The following NIPAL2 variants were observed in gnomAD, a reference collection of about 807,000 sequenced individuals.
NIPAL2 encodes the protein NIPA-like protein 2.
In NIPAL2, 43 loss-of-function variants were observed where a neutral mutation model predicts 48.9. The observed-to-expected ratio is 0.88, with a 90% confidence interval of 0.69 to 1.13. The LOEUF (loss-of-function observed/expected upper bound fraction) is 1.13. Among genes scored for constraint, NIPAL2 ranks in the 50% most tolerant of loss-of-function variants. The probability of loss-of-function intolerance (pLI) is 0.00; values close to 1 mark genes in which losing one functional copy is unlikely to be tolerated. For synonymous variants in NIPAL2, 167 were observed against 174.6 expected, an observed-to-expected ratio of 0.96 and a Z score of 0.34; for missense variants, 446 against 461.4, an observed-to-expected ratio of 0.97 and a Z score of 0.31.
At chr8:98,273,075 G>C (rs568728993) in intron 1 of NIPAL2, among the ~76,000 whole-genome samples, 92 of 152,244 alleles carry the variant, frequency 6.0e-4, no homozygotes, top group African/African-American at 2.1e-3. Flanking sequence ...AATATCCATA[G>C]CACCGTTATT....
At chr8:98,253,069 C>T (rs756913577) in intron 2 of NIPAL2, among the ~76,000 whole-genome samples, 5 of 152,004 alleles carry the variant, frequency 3.3e-5, no homozygotes, top group African/African-American at 7.2e-5. Context: ...GTGGCCCTCT[C>T]GGTTATCAGA....
chr8:98,223,490 AAACTTGCTTC>A lies in NIPAL2; in HGVS notation c.437-900_437-891del, dbSNP rs1256693904. Among the ~76,000 whole-genome samples, 5 of 152,338 alleles carry A rather than the reference AAACTTGCTTC, an allele frequency of 3.3e-5. No individual in the cohort carries two copies. The East Asian group carries it at 9.6e-4, about 29-fold the overall frequency. On this transcript the variant is annotated intron_variant, in intron 4 of 10. Transcript: ENST00000430223. ...AGCATATTTTAGATAGCACACTTGA[AAACTTGCTTC>A]AACTTGCTTCATCTCTGAGGTCAGT... is the stretch of plus-strand genomic sequence containing the variant.
At chr8:98,193,700 G>A (rs944956005) in intron 10 of NIPAL2, among the ~76,000 whole-genome samples, 1 of 151,756 alleles carries the variant, frequency 6.6e-6, no homozygotes, top group African/African-American at 2.4e-5. Flanking sequence ...CTACTCGGGA[G>A]GCTGAGACAC....
intron 1 of NIPAL2, among the ~76,000 whole-genome samples, chr8:98,264,737 A>C (rs1269507520): frequency 6.6e-6 from 1 of 151,986 alleles, no homozygotes; most frequent in Non-Finnish European, 1.5e-5. Flanking sequence ...TGCCATCCCC[A>C]TCAAGCTACC....
intron 5 of NIPAL2, among the ~76,000 whole-genome samples, chr8:98,221,816 A>G (rs1396223227): frequency 6.6e-6 from 1 of 152,218 alleles, no homozygotes; most frequent in African/African-American, 2.4e-5. Flanking sequence ...GGATGTGGAG[A>G]AACAGGAACA....
chr8:98,210,953 A>G (rs566039766), intron 6 of NIPAL2, among the ~76,000 whole-genome samples: 2 of 152,312 alleles, frequency 1.3e-5, no homozygotes, highest in East Asian at 3.9e-4. Context: ...CCAATCAGAA[A>G]GGGTGCTGGC....
intron 10 of NIPAL2, 52 bp downstream of exon 10, chr8:98,194,676 C>T (rs2130679724): frequency 1.0e-6 from 1 of 953,776 alleles, no homozygotes; most frequent in Non-Finnish European, 1.5e-6. Flanking sequence ...ATACCAATAA[C>T]TATTCATTTA....
At chr8:98,252,295 G>T in intron 3 of NIPAL2, 168 bp downstream of exon 3, 1 of 637,482 alleles carries the variant, frequency 1.6e-6, no homozygotes, top group Non-Finnish European at 2.5e-6. Context: ...TAATGTGACA[G>T]CATGACAATG....
chr8:98,216,835 A>G (rs1287407367), intron 5 of NIPAL2, among the ~76,000 whole-genome samples: 1 of 152,218 alleles, frequency 6.6e-6, no homozygotes, highest in Non-Finnish European at 1.5e-5. Flanking sequence ...ATTTTCTAAC[A>G]TGGTTTTTGC....
intron 1 of NIPAL2, among the ~76,000 whole-genome samples, chr8:98,271,702 T>C (rs1177496078): frequency 6.6e-6 from 1 of 152,174 alleles, no homozygotes; most frequent in African/African-American, 2.4e-5. Context: ...TCTTGCCTGA[T>C]TGCTGTGGAT....
intron 1 of NIPAL2, among the ~76,000 whole-genome samples, chr8:98,262,394 C>T (rs1814404791): frequency 6.8e-6 from 1 of 148,070 alleles, no homozygotes; most frequent in Non-Finnish European, 1.5e-5. Flanking sequence ...ATCTCACGTG[C>T]AGAGACACAC....
chr8:98,222,204 T>C (rs984805223), intron 5 of NIPAL2, among the ~76,000 whole-genome samples: 1 of 152,180 alleles, frequency 6.6e-6, no homozygotes, highest in African/African-American at 2.4e-5. Context: ...TGGAAGGGAA[T>C]GTTTTTTTTT....
chr8:98,291,061 T>C (rs1480973993), intron 1 of NIPAL2, among the ~76,000 whole-genome samples: 8 of 152,318 alleles, frequency 5.3e-5, no homozygotes, highest in African/African-American at 1.9e-4. Context: ...AGCCTTAATT[T>C]AAATTTTTTT....
intron 4 of NIPAL2, among the ~76,000 whole-genome samples, chr8:98,228,685 G>T (rs1485116558): frequency 7.0e-6 from 1 of 142,036 alleles, no homozygotes; most frequent in Non-Finnish European, 1.6e-5. Context: ...TCAGGATGCA[G>T]GCATGCCATG....
chr8:98,273,074 A>T (rs1815235441), intron 1 of NIPAL2, among the ~76,000 whole-genome samples: 1 of 152,204 alleles, frequency 6.6e-6, no homozygotes, highest in Admixed American at 6.5e-5. Flanking sequence ...AAATATCCAT[A>T]GCACCGTTAT....
chr8:98,207,932 A>ATT (rs914458689), intron 6 of NIPAL2, among the ~76,000 whole-genome samples: 1 of 149,646 alleles, frequency 6.7e-6, no homozygotes, highest in East Asian at 1.9e-4. Context: ...GGTTGTATCC[A>ATT]TTTTTTTTTT....
In NIPAL2 at chr8:98,283,593, G is replaced by A. The variant is rs982079505; in HGVS notation, c.135+10410C>T. On this transcript the variant is annotated intron_variant, in intron 1 of 10. Transcript: ENST00000430223. ...TAGTTTTAACAACCCATAATCCTTT[G>A]TTTCCAAAGAAGCAGGATTGCAGGC... is the stretch of plus-strand genomic sequence containing the variant. Among the ~76,000 whole-genome samples, 3 of 152,166 alleles carry A rather than the reference G, an allele frequency of 2.0e-5. No homozygotes were observed. The South Asian group carries it at 6.2e-4, about 31-fold the overall frequency.
At position 98,240,239 on chromosome 8, in the gene NIPAL2, C is replaced by T. The variant is rs187799137; in HGVS notation, c.377-4025G>A. On this transcript the variant is annotated intron_variant, in intron 3 of 10. Transcript: ENST00000430223. The stretch of plus-strand genomic sequence containing the variant: ...ATGTTTGGGCAGAGACTCATGAATG[C>T]TTTTCCCTCTGGCCTTCAGAAGACA... 6.6e-3 allele frequency among the ~76,000 whole-genome samples: 1,005 copies of T among 152,308 alleles called. 8 individuals carry two copies. Among genetic ancestry groups the T allele is most frequent in the Non-Finnish European group, 9.6e-3 (653 of 68,036 alleles).
chr8:98,200,663 T>C (rs961400113), intron 8 of NIPAL2, among the ~76,000 whole-genome samples: 2 of 152,244 alleles, frequency 1.3e-5, no homozygotes, highest in Non-Finnish European at 2.9e-5. Context: ...CTAGATCATA[T>C]GGTAATTCCA....
Sources: allele counts gnomAD v4.1 joint callset (sites outside exome capture counted in the v4.1 genomes callset), GRCh38; gene constraint gnomAD v4.1.1; transcripts MANE v1.5; gene names NCBI Gene and HGNC (gene_info 2026-07-23, HGNC 2026-07-21).